The following SLC25A26 variants were observed in gnomAD, a reference collection of about 807,000 sequenced individuals.
The protein encoded by SLC25A26 is solute carrier family 25 member 26.
SLC25A26 carries 36 observed loss-of-function variants against 37.8 expected under a neutral mutation model. The observed-to-expected ratio is 0.95, with a 90% CI of 0.73 to 1.26. The LOEUF is 1.26. SLC25A26 is among the 50% of genes most tolerant of loss of function. The probability of loss-of-function intolerance (pLI) is 0.00; values close to 1 mark genes in which losing one functional copy is unlikely to be tolerated. For synonymous variants in SLC25A26, 129 were observed against 122.5 expected (o/e 1.05, Z -0.35); for missense variants, 390 against 331.1 (o/e 1.18, Z -1.38).
At chr3:66,294,179 C>T (rs1403909261) in intron 5 of SLC25A26, among the ~76,000 whole-genome samples, 1 of 151,952 alleles carries the variant, frequency 6.6e-6, no homozygotes, top group Non-Finnish European at 1.5e-5. Flanking sequence ...TTTTCATTTG[C>T]TTGTGTCATC....
At chr3:66,320,746 G>GT (rs1559696556) in intron 5 of SLC25A26, among the ~76,000 whole-genome samples, 1 of 152,066 alleles carries the variant, frequency 6.6e-6, no homozygotes, top group Admixed American at 6.5e-5. Flanking sequence ...TTGTTATTTT[G>GT]TTTTTTCTCT....
At chr3:66,371,256 G>C in intron 9 of SLC25A26, 1 of 1,547,916 alleles carries the variant, frequency 6.5e-7, no homozygotes, top group East Asian at 2.5e-5. Context: ...TCCCTTTGCA[G>C]AGGGTCGGTC....
At chr3:66,364,791 A>G (rs1262888287) in intron 7 of SLC25A26, among the ~76,000 whole-genome samples, 1 of 150,766 alleles carries the variant, frequency 6.6e-6, no homozygotes, top group Non-Finnish European at 1.5e-5. Flanking sequence ...GTTACTGTAC[A>G]CAACAGTCTC....
intron 6 of SLC25A26, among the ~76,000 whole-genome samples, chr3:66,358,635 T>C (rs1008525790): frequency 6.6e-6 from 1 of 152,206 alleles, no homozygotes; most frequent in Non-Finnish European, 1.5e-5. Flanking sequence ...TGTGAGTTAC[T>C]TAACATCTTT....
chr3:66,281,624 A>G (rs371721643), intron 5 of SLC25A26, among the ~76,000 whole-genome samples: 1 of 152,296 alleles, frequency 6.6e-6, no homozygotes, highest in Non-Finnish European at 1.5e-5. Flanking sequence ...TTACTCGTTT[A>G]AAGTGACAGT....
chr3:66,365,268 C>G (rs2076800085), intron 7 of SLC25A26, among the ~76,000 whole-genome samples: 1 of 152,178 alleles, frequency 6.6e-6, no homozygotes, highest in Admixed American at 6.5e-5. Context: ...TTTAAATTGG[C>G]TAAATCATTG....
intron 5 of SLC25A26, among the ~76,000 whole-genome samples, chr3:66,345,269 G>C (rs1202287121): frequency 1.3e-5 from 2 of 152,092 alleles, no homozygotes; most frequent in Admixed American, 1.3e-4. Flanking sequence ...TGACTGATTT[G>C]GTGATTCTTC....
At chr3:66,306,256 A>T (rs2075217527) in intron 5 of SLC25A26, among the ~76,000 whole-genome samples, 1 of 152,250 alleles carries the variant, frequency 6.6e-6, no homozygotes, top group Non-Finnish European at 1.5e-5. Context: ...CTAGGATTAC[A>T]GGCGTAAGCC....
intron 1 of SLC25A26, among the ~76,000 whole-genome samples, chr3:66,235,270 TA>T (rs1361614053): frequency 3.9e-5 from 6 of 152,214 alleles, no homozygotes; most frequent in African/African-American, 1.2e-4. Flanking sequence ...GTAACGAGTT[TA>T]AAAATATTCT....
At chr3:66,302,415 G>C (rs917221458) in intron 5 of SLC25A26, among the ~76,000 whole-genome samples, 1 of 152,172 alleles carries the variant, frequency 6.6e-6, no homozygotes, top group Non-Finnish European at 1.5e-5. Flanking sequence ...CAGAGTAGCG[G>C]CTGCTTGTTT....
intron 5 of SLC25A26, among the ~76,000 whole-genome samples, chr3:66,337,492 C>T (rs2076116500): frequency 6.6e-6 from 1 of 151,960 alleles, no homozygotes; most frequent in African/African-American, 2.4e-5. Flanking sequence ...AATGATAGAT[C>T]TATTAATATA....
chr3:66,210,044 C>A (rs903344154), intron 1 of SLC25A26, among the ~76,000 whole-genome samples: 1 of 147,072 alleles, frequency 6.8e-6, no homozygotes, highest in Non-Finnish European at 1.5e-5. Flanking sequence ...CCTATTGGAC[C>A]TTCCTGATGC....
chr3:66,219,847 T>G (rs2071421304), upstream of SLC25A26, among the ~76,000 whole-genome samples: 1 of 152,180 alleles, frequency 6.6e-6, no homozygotes, highest in Non-Finnish European at 1.5e-5. Flanking sequence ...AATATAATAG[T>G]ACCGCATGAC....
intron 2 of SLC25A26, among the ~76,000 whole-genome samples, chr3:66,237,612 A>T (rs2072356880): frequency 6.6e-6 from 1 of 152,208 alleles, no homozygotes; most frequent in Non-Finnish European, 1.5e-5. Flanking sequence ...TTCTGAAGTC[A>T]TGTGACTTAT....
chr3:66,159,590 G>A (rs775676590), intron 1 of SLC25A26, among the ~76,000 whole-genome samples: 8 of 152,134 alleles, frequency 5.3e-5, no homozygotes, highest in Non-Finnish European at 8.8e-5. Context: ...TTAATATTCA[G>A]GTAAAGCACC....
chr3:66,363,477 C>T (rs1053686652), intron 7 of SLC25A26, among the ~76,000 whole-genome samples: 3 of 152,152 alleles, frequency 2.0e-5, no homozygotes, highest in South Asian at 2.1e-4. Context: ...AAAGCAAGAG[C>T]GAGGTGACAA....
At chr3:66,247,353 G>A (rs1276367933) in intron 3 of SLC25A26, among the ~76,000 whole-genome samples, 1 of 152,050 alleles carries the variant, frequency 6.6e-6, no homozygotes, top group Non-Finnish European at 1.5e-5. Context: ...CTGTCAACCA[G>A]GCTGAAGAGC....
At chr3:66,219,077 T>G (rs2071404095), upstream of SLC25A26, among the ~76,000 whole-genome samples, 1 of 152,258 alleles carries the variant, frequency 6.6e-6, no homozygotes, top group East Asian at 1.9e-4. Flanking sequence ...ATTTTGGTAC[T>G]TGGAGGTGGG....
chr3:66,358,538 A>G (rs2076627255), intron 6 of SLC25A26, among the ~76,000 whole-genome samples: 2 of 152,352 alleles, frequency 1.3e-5, no homozygotes, highest in African/African-American at 2.4e-5. Flanking sequence ...CAGGACAACT[A>G]TATCCTATAG....
Sources: gnomAD v4.1 joint callset for allele counts (sites outside exome capture counted in the v4.1 genomes callset) on GRCh38, gnomAD v4.1.1 for gene constraint, MANE v1.5 for transcripts, NCBI Gene and HGNC (gene_info 2026-07-23, HGNC 2026-07-21) for gene names.